GPC5: variants seen among roughly 807,000 people sequenced by gnomAD.
The protein encoded by GPC5 is glypican 5, also known as glypican-5.
GPC5 carries 47 observed loss-of-function variants against 53.9 expected under a neutral mutation model. The ratio of observed to expected loss-of-function variants is 0.87; its 90% CI spans 0.69 to 1.11. The LOEUF is 1.11. GPC5 is among the 50% of genes most tolerant of loss of function. GPC5 has a pLI of 0.00. For synonymous variants in GPC5, 286 were observed against 263.3 expected (o/e 1.09, Z -0.84); for missense variants, 748 against 713.1 (o/e 1.05, Z -0.56).
chr13:92,176,027 A>T (rs1465815282), intron 7 of GPC5, among the ~76,000 whole-genome samples: 4 of 152,154 alleles, frequency 2.6e-5, no homozygotes, highest in Non-Finnish European at 5.9e-5. Flanking sequence ...CATTATCATG[A>T]AGTTTGCTCC....
At chr13:91,534,315 C>T (rs1886481920) in intron 2 of GPC5, among the ~76,000 whole-genome samples, 1 of 152,156 alleles carries the variant, frequency 6.6e-6, no homozygotes, top group Non-Finnish European at 1.5e-5. Flanking sequence ...AATACAATTG[C>T]ACTCTTTTTC....
At chr13:92,650,554 AAC>A (rs939112468) in intron 7 of GPC5, among the ~76,000 whole-genome samples, 7 of 152,180 alleles carry the variant, frequency 4.6e-5, no homozygotes, top group Admixed American at 2.6e-4. Flanking sequence ...CTATGATGGA[AAC>A]ACAGTGCATA....
At chr13:92,755,103 A>G (rs1429611766) in intron 7 of GPC5, among the ~76,000 whole-genome samples, 2 of 149,988 alleles carry the variant, frequency 1.3e-5, no homozygotes, top group African/African-American at 4.9e-5. Context: ...AGCAAATGTA[A>G]AAGAACAGAA....
chr13:91,756,922 GA>G (rs925994791), intron 5 of GPC5, among the ~76,000 whole-genome samples: 37 of 151,966 alleles, frequency 2.4e-4, no homozygotes, highest in Admixed American at 1.3e-4. Flanking sequence ...GAAAGAGAGA[GA>G]GAGACTATGT....
At chr13:91,860,924 T>G (rs1485520092) in intron 5 of GPC5, among the ~76,000 whole-genome samples, 1 of 152,226 alleles carries the variant, frequency 6.6e-6, no homozygotes, top group East Asian at 1.9e-4. Flanking sequence ...CAATATACTG[T>G]TTTCCTTGAT....
At chr13:92,262,561 C>T (rs981344941) in intron 7 of GPC5, among the ~76,000 whole-genome samples, 3 of 152,084 alleles carry the variant, frequency 2.0e-5, no homozygotes, top group East Asian at 1.9e-4. Flanking sequence ...TTTGAGCTCA[C>T]GTGTTTTCAG....
At chr13:91,576,711 T>C (rs1404680804) in intron 2 of GPC5, among the ~76,000 whole-genome samples, 5 of 152,162 alleles carry the variant, frequency 3.3e-5, no homozygotes, top group African/African-American at 1.2e-4. Flanking sequence ...AAGGGGCCCT[T>C]CTGCCAGCAA....
At chr13:92,789,983 A>G (rs957814514) in intron 7 of GPC5, among the ~76,000 whole-genome samples, 3 of 152,088 alleles carry the variant, frequency 2.0e-5, no homozygotes, top group African/African-American at 7.2e-5. Flanking sequence ...GAGTCCAAAA[A>G]CTGAAGAACT....
intron 7 of GPC5, among the ~76,000 whole-genome samples, chr13:92,441,133 A>G (rs1056262535): frequency 2.6e-5 from 4 of 152,006 alleles, no homozygotes; most frequent in African/African-American, 9.7e-5. Flanking sequence ...GTGCAGTGGC[A>G]CGATCTCGGC....
chr13:92,232,273 G>T (rs752561260), intron 7 of GPC5, among the ~76,000 whole-genome samples: 3 of 151,820 alleles, frequency 2.0e-5, no homozygotes, highest in Non-Finnish European at 4.4e-5. Context: ...ATTAGTCTGC[G>T]TGGTGGGGTG....
chr13:91,927,445 A>G (rs2139026379), intron 6 of GPC5, among the ~76,000 whole-genome samples: 1 of 152,282 alleles, frequency 6.6e-6, no homozygotes, highest in South Asian at 2.1e-4. Context: ...CTGCATTAAC[A>G]TTTAATAACA....
At chr13:91,808,258 T>G (rs1390394438) in intron 5 of GPC5, among the ~76,000 whole-genome samples, 1 of 152,144 alleles carries the variant, frequency 6.6e-6, no homozygotes, top group African/African-American at 2.4e-5. Flanking sequence ...TCAGACATGA[T>G]TGAATAACCT....
At chr13:92,420,980 C>A (rs1876531684) in intron 7 of GPC5, among the ~76,000 whole-genome samples, 1 of 152,146 alleles carries the variant, frequency 6.6e-6, no homozygotes, top group Non-Finnish European at 1.5e-5. Flanking sequence ...CTAAAGAATG[C>A]TAACTAGCCA....
chr13:92,645,276 G>A (rs1233474171), intron 7 of GPC5, among the ~76,000 whole-genome samples: 1 of 152,088 alleles, frequency 6.6e-6, no homozygotes. Context: ...CTCCCAAGTA[G>A]CTGGGACTAC....
intron 2 of GPC5, among the ~76,000 whole-genome samples, chr13:91,652,399 T>G (rs1046310692): frequency 7.2e-5 from 11 of 152,190 alleles, no homozygotes; most frequent in African/African-American, 2.7e-4. Context: ...ACCTTTCAAT[T>G]AAAGGAAGTA....
intron 6 of GPC5, among the ~76,000 whole-genome samples, chr13:91,922,867 C>A (rs1466302225): frequency 1.1e-5 from 1 of 90,560 alleles, no homozygotes; most frequent in Non-Finnish European, 2.1e-5. Flanking sequence ...ATTTTTCAGT[C>A]TGAATTTGGC....
intron 7 of GPC5, among the ~76,000 whole-genome samples, chr13:92,531,085 T>C (rs1258725391): frequency 6.6e-6 from 1 of 152,196 alleles, no homozygotes; most frequent in African/African-American, 2.4e-5. Flanking sequence ...TCATTATGAT[T>C]GTAGAATCTT....
intron 7 of GPC5, among the ~76,000 whole-genome samples, chr13:92,430,671 G>T (rs183964444): frequency 2.6e-5 from 4 of 152,236 alleles, no homozygotes; most frequent in Non-Finnish European, 4.4e-5. Flanking sequence ...AAATTCAAGA[G>T]CAGAAATGTG....
chr13:92,716,470 C>A (rs999557520), intron 7 of GPC5, among the ~76,000 whole-genome samples: 2 of 151,630 alleles, frequency 1.3e-5, no homozygotes, highest in Admixed American at 1.3e-4. Flanking sequence ...CTGTTTTTAT[C>A]CCCTCTCTTC....
Sources: allele counts gnomAD v4.1 joint callset (sites outside exome capture counted in the v4.1 genomes callset), GRCh38; gene constraint gnomAD v4.1.1; transcripts MANE v1.5; gene names NCBI Gene and HGNC (gene_info 2026-07-23, HGNC 2026-07-21).